TUT7: variants seen among roughly 807,000 people sequenced by gnomAD.
TUT7 encodes terminal uridylyltransferase 7.
In TUT7, 33 loss-of-function variants were observed where a neutral mutation model predicts 165.9. That is an observed-to-expected ratio of 0.20 (90% CI 0.15 to 0.27). TUT7 has a LOEUF of 0.27. Among genes scored for constraint, TUT7 ranks in the 10% least tolerant of loss-of-function variants. The pLI is 1.00. For synonymous variants in TUT7, 552 were observed against 608.1 expected (o/e 0.91, Z 1.36); for missense variants, 1,338 against 1,762.3 (o/e 0.76, Z 4.31).
intron 19 of TUT7, 104 bp from the exon 20 acceptor site, chr9:86,309,680 A>G (rs902403233): frequency 2.8e-6 from 3 of 1,067,816 alleles, no homozygotes; most frequent in Non-Finnish European, 4.1e-6. Flanking sequence ...GAGAACTAAT[A>G]TAAAAATCAC....
At chr9:86,310,345 G>C (rs933787846) in intron 18 of TUT7, among the ~76,000 whole-genome samples, 3 of 150,512 alleles carry the variant, frequency 2.0e-5, no homozygotes, top group Non-Finnish European at 3.0e-5. Context: ...TAACTTACTA[G>C]ATAATAATAA....
rs1186206491 is a variant in TUT7, at chr9:86,353,077, T to A, written c.123A>T (p.Lys41Asn). 2 of 1,614,180 alleles carry A rather than the reference T, an allele frequency of 1.2e-6. No individual in the cohort carries two copies. The highest frequency in any genetic ancestry group is 1.7e-6 in the Non-Finnish European group (2 of 1,180,030). ...CCTTTTCCATTTTACTGCCATGGCC[T>A]TTAGCATGGTCATCTATTATTAAAT... is the stretch of plus-strand genomic sequence containing the variant. ...QDYLIIDDHAKGHGSKMEKGL... is the reference protein window; with the variant it reads ...QDYLIIDDHANGHGSKMEKGL... Residue 41 changes from lysine (K) to asparagine (N), a missense_variant, in exon 2 of 27, where the codon AAA becomes AAT. Lys to Asn is a moderately conservative substitution (Grantham distance 94, BLOSUM62 0). Coordinates refer to ENST00000375963, the MANE Select transcript of TUT7 (RefSeq NM_024617.4).
At chr9:86,313,470 A>G (rs770929500) in intron 17 of TUT7, among the ~76,000 whole-genome samples, 2 of 152,204 alleles carry the variant, frequency 1.3e-5, no homozygotes, top group Non-Finnish European at 2.9e-5. Flanking sequence ...AATGTGTGAT[A>G]GGGATATGTG....
rs17051828 is a variant in TUT7, at chr9:86,342,951, G to C, written c.1086+124C>G. On this transcript the variant is annotated intron_variant, in intron 6 of 26. Coordinates refer to ENST00000375963, the MANE Select transcript of TUT7 (RefSeq NM_024617.4). ...AAAAAAGCTCTGAAACTGAAGGCAAGCGGATGCTGTCATTACACTTAAAAT... is the reference window on the plus strand; with the variant it reads ...AAAAAAGCTCTGAAACTGAAGGCAACCGGATGCTGTCATTACACTTAAAAT... The C allele has an allele frequency of 5.2e-4, 339 of 646,852 alleles. 6 individuals carry two copies. In the East Asian group the frequency reaches 6.7e-3, roughly 13 times the overall value. The allele number at this position is 646,852 out of a possible 1,614,324, so 40.1% of individuals were successfully genotyped here. A position where few individuals can be genotyped will look rare whatever the true frequency, so the allele number is the denominator to read the frequency against.
chr9:86,288,706 A>T lies in TUT7; in HGVS notation c.4459T>A (p.Ser1487Thr), dbSNP rs1463398626. 4 of 1,613,778 alleles carry T rather than the reference A, an allele frequency of 2.5e-6. No homozygotes were observed. The highest frequency in any genetic ancestry group is 3.4e-6 in the Non-Finnish European group (4 of 1,179,890). Residue 1487 changes from serine to threonine, a missense_variant, in exon 27 of 27, where the codon TCA becomes ACA. Ser to Thr is a moderately conservative substitution (Grantham distance 58, BLOSUM62 1). Coordinates refer to ENST00000375963, the MANE Select transcript of TUT7 (RefSeq NM_024617.4). ...SSKYMTQGKA[S>T]AKRTQQES ...GATTCCTGCTGGGTCCTCTTCGCTG[A>T]GGCTTTTCCCTGAGTCATATATTTA...
In TUT7 at chr9:86,309,563, C is replaced by A; in HGVS notation, c.3482G>T (p.Gly1161Val). ...MKVFTKMCDIGDASRGSLSSY... is the reference protein window; with the variant it reads ...MKVFTKMCDIVDASRGSLSSY... ...TGATAAGCTGCCTCTAGATGCATCA[C>A]CAATATCACACATCTAGACAGAAGG... Residue 1161 changes from glycine (G) to valine (V), a missense_variant, in exon 20 of 27, where the codon GGT (glycine) becomes GTT (valine). Gly to Val is a moderately radical substitution (Grantham distance 109, BLOSUM62 -3). Coordinates refer to ENST00000375963, the MANE Select transcript of TUT7 (RefSeq NM_024617.4). 1 of 1,610,824 alleles carries A rather than the reference C, an allele frequency of 6.2e-7. No homozygotes were observed. Among genetic ancestry groups the A allele is most frequent in the Non-Finnish European group, 8.5e-7 (1 of 1,178,532 alleles).
intron 2 of TUT7, among the ~76,000 whole-genome samples, chr9:86,349,490 G>A (rs959002411): frequency 3.9e-5 from 6 of 151,980 alleles, no homozygotes; most frequent in African/African-American, 1.5e-4. Context: ...ACATTAAACT[G>A]GCAATCTAGG....
intron 2 of TUT7, among the ~76,000 whole-genome samples, chr9:86,351,058 T>C (rs1267708371): frequency 1.3e-5 from 2 of 149,690 alleles, no homozygotes; most frequent in East Asian, 2.0e-4. Flanking sequence ...CGCTTGATCC[T>C]GGGAGGCAGA....
chr9:86,315,168 G>T (rs1304809967), intron 17 of TUT7, among the ~76,000 whole-genome samples: 1 of 152,168 alleles, frequency 6.6e-6, no homozygotes, highest in Non-Finnish European at 1.5e-5. Flanking sequence ...TGTGCACATA[G>T]GAGGCACCCA....
intron 5 of TUT7, among the ~76,000 whole-genome samples, chr9:86,344,588 C>CTTT (rs11390352): frequency 7.1e-6 from 1 of 141,744 alleles, no homozygotes; most frequent in African/African-American, 2.6e-5. Flanking sequence ...TAAATAAAAT[C>CTTT]TTTTTTTTTT....
chr9:86,300,051 T>C (rs1328254744), intron 26 of TUT7, among the ~76,000 whole-genome samples: 2 of 152,204 alleles, frequency 1.3e-5, no homozygotes, highest in African/African-American at 2.4e-5. Context: ...GCAACTATTA[T>C]TATTGTAATT....
At chr9:86,298,938 C>T (rs1288920138) in intron 26 of TUT7, 4 of 412,430 alleles carry the variant, frequency 9.7e-6, no homozygotes, top group Non-Finnish European at 1.3e-5. Context: ...ATGTGGGTGG[C>T]AGAATTTTGC....
At chr9:86,338,219 T>C in intron 9 of TUT7, among the ~76,000 whole-genome samples, 1 of 150,992 alleles carries the variant, frequency 6.6e-6, no homozygotes, top group African/African-American at 2.4e-5. Flanking sequence ...TCTTTTTTTT[T>C]TTTTTTTTTT....
chr9:86,315,972 T>C (rs1412112900), intron 17 of TUT7, among the ~76,000 whole-genome samples: 1 of 152,142 alleles, frequency 6.6e-6, no homozygotes, highest in Non-Finnish European at 1.5e-5. Context: ...TGTATATATG[T>C]GTGTGTCTAG....
intron 12 of TUT7, chr9:86,324,256 G>A (rs781669400): frequency 2.2e-4 from 41 of 184,968 alleles, no homozygotes; most frequent in Non-Finnish European, 4.3e-4. Flanking sequence ...GATGTTATCA[G>A]CGTGGCTCTC....
intron 26 of TUT7, among the ~76,000 whole-genome samples, chr9:86,293,673 T>C (rs1279283777): frequency 1.3e-5 from 2 of 152,158 alleles, no homozygotes; most frequent in Non-Finnish European, 2.9e-5. Flanking sequence ...AACCTATCAT[T>C]CTTATGAGCG....
chr9:86,307,602 TA>T (rs1204087813), intron 22 of TUT7, among the ~76,000 whole-genome samples: 4 of 152,222 alleles, frequency 2.6e-5, no homozygotes, highest in African/African-American at 9.7e-5. Context: ...CTAAAGCATT[TA>T]AATTCCATTT....
intron 16 of TUT7, 85 bp downstream of exon 16, chr9:86,318,873 T>A: frequency 9.4e-7 from 1 of 1,062,486 alleles, no homozygotes; most frequent in South Asian, 1.4e-5. Flanking sequence ...CCTGATAAAT[T>A]TGGAAAATAC....
chr9:86,330,212 C>T lies in TUT7; in HGVS notation c.1456-1720G>A, dbSNP rs372545807. Among the ~76,000 whole-genome samples, 29 of 152,272 alleles carry T rather than the reference C, an allele frequency of 1.9e-4. No homozygotes were observed. The East Asian group carries it at 5.2e-3, about 27-fold the overall frequency. The stretch of plus-strand genomic sequence containing the variant: ...AGCTGGGATTACAGGCGCCTGCCAC[C>T]ATGCCCAGCTAATTTTTTTATATTT... On this transcript the variant is annotated intron_variant, in intron 10 of 26. Coordinates refer to ENST00000375963, the MANE Select transcript of TUT7 (RefSeq NM_024617.4).
Sources: gnomAD v4.1 joint callset for allele counts (sites outside exome capture counted in the v4.1 genomes callset) on GRCh38, gnomAD v4.1.1 for gene constraint, MANE v1.5 for transcripts, NCBI Gene and HGNC (gene_info 2026-07-23, HGNC 2026-07-21) for gene names.